ZNF292: variants seen among roughly 807,000 people sequenced by gnomAD.
ZNF292 encodes zinc finger protein 292, also known as 16 zinc-finger domain protein.
ZNF292 carries 26 observed loss-of-function variants against 217.9 expected under a neutral mutation model. That is an observed-to-expected ratio of 0.12 (90% confidence interval 0.09 to 0.17). The LOEUF (loss-of-function observed/expected upper bound fraction) is 0.17. ZNF292 is among the 10% of genes least tolerant of loss of function. The pLI, the probability that ZNF292 is intolerant of heterozygous loss-of-function variation, is 1.00. For missense variants in ZNF292, 2,904 were observed against 3,175.2 expected, an observed-to-expected ratio of 0.91 and a Z score of 2.05; for synonymous variants, 1,257 against 1,124.1, an observed-to-expected ratio of 1.12 and a Z score of -2.37.
At position 87,265,168 on chromosome 6, in the gene ZNF292, A is replaced by G. The variant is rs1181242123; in HGVS notation, c.*3367A>G. Among the ~76,000 whole-genome samples, 1 of 151,434 alleles carries G rather than the reference A, an allele frequency of 6.6e-6. No homozygotes were observed. Among genetic ancestry groups the G allele is most frequent in the African/African-American group, 2.4e-5 (1 of 41,124 alleles). On this transcript the variant is annotated 3_prime_UTR_variant, in exon 8 of 8. Coordinates refer to ENST00000369577, the MANE Select transcript of ZNF292 (RefSeq NM_015021.3). ...CGCTCTGTTGCCCAGGCTGGAGTGCAGTGTTGCACGATCTCGGCTTACTGC... is the reference window on the plus strand; with the variant it reads ...CGCTCTGTTGCCCAGGCTGGAGTGCGGTGTTGCACGATCTCGGCTTACTGC...
chr6:87,161,509 A>G (rs1770754003), intron 1 of ZNF292, among the ~76,000 whole-genome samples: 1 of 152,186 alleles, frequency 6.6e-6, no homozygotes, highest in Admixed American at 6.5e-5. Context: ...TGCATCCTTG[A>G]CCAACTGGGC....
chr6:87,186,509 A>G (rs555973546), intron 1 of ZNF292, among the ~76,000 whole-genome samples: 3 of 152,354 alleles, frequency 2.0e-5, no homozygotes, highest in South Asian at 4.1e-4. Flanking sequence ...GTTAGCTGCT[A>G]AAGAAAACAA....
chr6:87,187,547 A>C (rs941282718), intron 1 of ZNF292, among the ~76,000 whole-genome samples: 4 of 151,848 alleles, frequency 2.6e-5, no homozygotes, highest in Admixed American at 6.6e-5. Flanking sequence ...GGTGAAACCC[A>C]TCTCTACTAA....
chr6:87,210,435 A>G (rs1772435870), intron 1 of ZNF292, among the ~76,000 whole-genome samples: 1 of 151,886 alleles, frequency 6.6e-6, no homozygotes, highest in African/African-American at 2.4e-5. Context: ...CCTCTTACCT[A>G]TTTCTTCTAT....
At chr6:87,241,047 G>A (rs377262665) in intron 5 of ZNF292, among the ~76,000 whole-genome samples, 1 of 152,194 alleles carries the variant, frequency 6.6e-6, no homozygotes. Context: ...CACTTTGGGA[G>A]GCCGAGGCAG....
chr6:87,257,628 C>T lies in ZNF292; in HGVS notation c.3999C>T (p.Thr1333=), dbSNP rs1775302680. Reference sequence around the variant, plus strand: ...ATGTTGCAAATAACTTCAGTAGCACCAATGCCCAACAGTCTGCACCTGAAA... The same window carrying T: ...ATGTTGCAAATAACTTCAGTAGCACTAATGCCCAACAGTCTGCACCTGAAA... ...QVNVANNFSS[T]NAQQSAPEKV... is the part of the protein sequence containing the mutation. Residue 1333 remains threonine (T), a synonymous_variant, in exon 8 of 8, where the codon ACC becomes ACT. Coordinates refer to ENST00000369577, the MANE Select transcript of ZNF292 (RefSeq NM_015021.3). 6.2e-7 allele frequency: 1 copy of T among 1,608,168 alleles called. No individual in the cohort carries two copies. Among genetic ancestry groups the T allele is most frequent in the Non-Finnish European group, 8.5e-7 (1 of 1,176,988 alleles).
chr6:87,189,625 G>C (rs768812675), intron 1 of ZNF292, among the ~76,000 whole-genome samples: 4 of 151,726 alleles, frequency 2.6e-5, no homozygotes, highest in Non-Finnish European at 5.9e-5. Flanking sequence ...TATTAGACTG[G>C]GATTATGTTT....
At chr6:87,227,094 A>G (rs376667299) in intron 4 of ZNF292, among the ~76,000 whole-genome samples, 32 of 152,362 alleles carry the variant, frequency 2.1e-4, no homozygotes, top group African/African-American at 4.8e-4. Flanking sequence ...AAGTTCATCT[A>G]TGATATGAAA....
intron 7 of ZNF292, among the ~76,000 whole-genome samples, chr6:87,247,171 T>TA (rs540303408): frequency 0.21 from 27,768 of 133,824 alleles, 3,453 homozygotes; most frequent in African/African-American, 0.37. Flanking sequence ...GACTTGGTCT[T>TA]AAAAAAAAAA....
At position 87,162,941 on chromosome 6, in the gene ZNF292, A is replaced by G. The variant is rs567794195; in HGVS notation, c.168+7182A>G. ...GTTGTAAAATGGAAAGTTTGCTTTC[A>G]TTAATATGTTTGTCAGCATACATAC... is the stretch of plus-strand genomic sequence containing the variant. On this transcript the variant is annotated intron_variant, in intron 1 of 7. Transcript: ENST00000369577. Among the ~76,000 whole-genome samples the G allele has an allele frequency of 2.3e-3, 348 of 152,338 alleles. 2 individuals carry two copies. The highest frequency in any genetic ancestry group is 3.6e-3 in the Non-Finnish European group (245 of 68,024).
intron 4 of ZNF292, among the ~76,000 whole-genome samples, chr6:87,232,739 GTTTTATCCTTTGGCAA>G (rs1773716515): frequency 2.9e-5 from 2 of 70,024 alleles, no homozygotes; most frequent in African/African-American, 9.4e-5. Flanking sequence ...CTTTGGCGAA[GTTTTATCCTTTGGCAA>G]ACTTTTCTCC....
rs183279973 is a variant in ZNF292 at position 87,265,579 on chromosome 6, G to T, written c.*3778G>T. On this transcript the variant is annotated 3_prime_UTR_variant, in exon 8 of 8. Transcript: ENST00000369577. Reference sequence around the variant, plus strand: ...AAGACAAAAGTTCTACTGTAAATATGTAAAAAGTTGAAAGGGAATTTTCCA... The same window carrying T: ...AAGACAAAAGTTCTACTGTAAATATTTAAAAAGTTGAAAGGGAATTTTCCA... Among the ~76,000 whole-genome samples, 38 of 152,266 alleles carry T rather than the reference G, an allele frequency of 2.5e-4. No homozygotes were observed. Among genetic ancestry groups the T allele is most frequent in the African/African-American group, 9.1e-4 (38 of 41,560 alleles).
rs1334440727 is a variant in ZNF292 at position 87,260,096 on chromosome 6, C to G, written c.6467C>G (p.Ala2156Gly). The change falls in exon 8 of 8, where the codon GCT (alanine) becomes GGT (glycine). Residue 2156 changes from alanine (A) to glycine (G), a missense_variant. This residue lies in a region of ZNF292 where 261 missense variants were observed against 272.8 expected (regional missense o/e 0.96). Transcript: ENST00000369577. Reference sequence around the variant, plus strand: ...GCAGAGGTCGAAGAGGAAAGTGAAGCTGGTAAAGAAAGTGAAGAAACTGAA... The same window carrying G: ...GCAGAGGTCGAAGAGGAAAGTGAAGGTGGTAAAGAAAGTGAAGAAACTGAA... ...FSAEVEEESE[A>G]GKESEETETK... The G allele has an allele frequency of 3.1e-6, 5 of 1,613,380 alleles. No individual in the cohort carries two copies. In the Admixed American group the frequency reaches 6.7e-5, roughly 22 times the overall value.
At chr6:87,187,494 G>A (rs1411704299) in intron 1 of ZNF292, among the ~76,000 whole-genome samples, 4 of 152,000 alleles carry the variant, frequency 2.6e-5, no homozygotes, top group East Asian at 1.9e-4. Context: ...CGAGGTGGGC[G>A]GATCACCTGA....
chr6:87,248,804 A>T (rs1294516337), intron 7 of ZNF292, among the ~76,000 whole-genome samples: 1 of 152,220 alleles, frequency 6.6e-6, no homozygotes, highest in African/African-American at 2.4e-5. Flanking sequence ...GAGGTTAGGT[A>T]AAAGTGACCA....
intron 1 of ZNF292, among the ~76,000 whole-genome samples, chr6:87,184,932 C>T (rs1404822684): frequency 6.6e-6 from 1 of 152,216 alleles, no homozygotes; most frequent in African/African-American, 2.4e-5. Flanking sequence ...TCTGTATTTG[C>T]TCTCTTGGCT....
intron 1 of ZNF292, among the ~76,000 whole-genome samples, chr6:87,191,062 T>C (rs1771807530): frequency 6.6e-6 from 1 of 152,208 alleles, no homozygotes; most frequent in South Asian, 2.1e-4. Context: ...ATACATAATA[T>C]TGTGTACCAT....
Position 87,260,518 on chromosome 6 carries a change from C to A in ZNF292, c.6889C>A (p.Pro2297Thr). The A allele has an allele frequency of 5.6e-6, 9 of 1,613,158 alleles. No individual in the cohort carries two copies. The highest frequency in any genetic ancestry group is 6.8e-6 in the Non-Finnish European group (8 of 1,179,594). The change falls in exon 8 of 8, where the codon CCA (proline) becomes ACA (threonine). Residue 2297 changes from proline (P) to threonine (T), a missense_variant. By Grantham distance (38) the Pro-to-Thr change is conservative. Transcript: ENST00000369577. ...TTTGATTCGTCCAAGAAGATTAACACCAGGCCAGGAAAATATGTCAAGCAA... is the reference window on the plus strand; with the variant it reads ...TTTGATTCGTCCAAGAAGATTAACAACAGGCCAGGAAAATATGTCAAGCAA... ...AHLIRPRRLTPGQENMSSKAN... is the reference protein window; with the variant it reads ...AHLIRPRRLTTGQENMSSKAN...
intron 5 of ZNF292, among the ~76,000 whole-genome samples, chr6:87,239,710 G>A (rs1373410931): frequency 2.9e-5 from 4 of 136,804 alleles, no homozygotes; most frequent in Non-Finnish European, 6.2e-5. Flanking sequence ...TCACCTCCCA[G>A]ACGGGGTCGC....
Sources: allele counts gnomAD v4.1 joint callset (sites outside exome capture counted in the v4.1 genomes callset), GRCh38; gene constraint gnomAD v4.1.1; regional missense constraint gnomAD v4.1.1; transcripts MANE v1.5; gene names NCBI Gene and HGNC (gene_info 2026-07-23, HGNC 2026-07-21).